Variants in ADGRV1 observed in about 807,000 individuals in gnomAD.
ADGRV1 encodes the protein G-protein coupled receptor 98.
A neutral mutation model predicts 596.2 loss-of-function variants in ADGRV1; 359 were observed. The ratio of observed to expected loss-of-function variants is 0.60; its 90% CI spans 0.55 to 0.66. ADGRV1 has a LOEUF of 0.66. ADGRV1 is among the 30% of genes least tolerant of loss of function. The probability of loss-of-function intolerance (pLI) is 0.00; values close to 1 mark genes in which losing one functional copy is unlikely to be tolerated. For missense variants in ADGRV1, 7,274 were observed against 7,575.6 expected, an observed-to-expected ratio of 0.96 and a Z score of 1.48; for synonymous variants, 2,681 against 2,679.2, an observed-to-expected ratio of 1.00 and a Z score of -0.02.
At chr5:91,139,847 C>G (rs1415942146) in intron 87 of ADGRV1, among the ~76,000 whole-genome samples, 1 of 152,162 alleles carries the variant, frequency 6.6e-6, no homozygotes, top group Non-Finnish European at 1.5e-5. Flanking sequence ...TCTCTTTCTC[C>G]TTGATGTCTG....
At chr5:90,723,906 G>A (rs1751412148) in intron 45 of ADGRV1, among the ~76,000 whole-genome samples, 1 of 151,458 alleles carries the variant, frequency 6.6e-6, no homozygotes, top group South Asian at 2.1e-4. Context: ...ATTAGTTAGG[G>A]GATTTTTATT....
At chr5:90,635,374 A>C in intron 10 of ADGRV1, 84 bp downstream of exon 10, 1 of 1,240,146 alleles carries the variant, frequency 8.1e-7, no homozygotes, top group Admixed American at 2.3e-5. Flanking sequence ...ATCAGCATAT[A>C]GGGTTAACAT....
At position 90,581,071 on chromosome 5, in the gene ADGRV1, C is replaced by T. The variant is rs572188322; in HGVS notation, c.22+22154C>T. On this transcript the variant is annotated intron_variant, in intron 1 of 89. Coordinates refer to ENST00000405460, the MANE Select transcript of ADGRV1 (RefSeq NM_032119.4). ...GCTATTGAAGCTTGTGCATGCGTCA[C>T]GAAGTTCTTGTGCCATGTTTTTCAG... Among the ~76,000 whole-genome samples, 18 of 152,234 alleles carry T rather than the reference C, an allele frequency of 1.2e-4. No individual in the cohort carries two copies. In the East Asian group the frequency reaches 2.5e-3, roughly 21 times the overall value.
At chr5:91,086,201 T>C (rs1231373828) in intron 86 of ADGRV1, among the ~76,000 whole-genome samples, 1 of 152,248 alleles carries the variant, frequency 6.6e-6, no homozygotes, top group Non-Finnish European at 1.5e-5. Context: ...GCATTTTTTA[T>C]ATCATAGTGA....
Position 90,729,704 on chromosome 5 carries a change from C to T in ADGRV1, c.10489C>T (p.Gln3497Ter). 1 of 1,608,884 alleles carries T rather than the reference C, an allele frequency of 6.2e-7. No homozygotes were observed. Among genetic ancestry groups the T allele is most frequent in the East Asian group, 2.2e-5 (1 of 44,794 alleles). The change falls in exon 50 of 90, where the codon CAG becomes TAG. Residue 3497 changes from glutamine to a stop codon, truncating the protein, a stop_gained. Coordinates refer to ENST00000405460, the MANE Select transcript of ADGRV1 (RefSeq NM_032119.4). LOFTEE classifies it high-confidence loss of function. ...EMGQSSFRYF[Q>*]SVDFAAVNRI... Reference sequence around the variant, plus strand: ...GGGACAGTCTTCCTTCAGGTATTTTCAGTCTGTAGATTTTGCTGCTGTTAA... The same window carrying T: ...GGGACAGTCTTCCTTCAGGTATTTTTAGTCTGTAGATTTTGCTGCTGTTAA...
chr5:91,113,586 G>C (rs1211262753), intron 87 of ADGRV1, among the ~76,000 whole-genome samples: 1 of 152,096 alleles, frequency 6.6e-6, no homozygotes, highest in East Asian at 1.9e-4. Context: ...AGTATATTCT[G>C]TATATATTCC....
chr5:90,885,229 T>G (rs1156967657), intron 83 of ADGRV1, among the ~76,000 whole-genome samples: 1 of 152,160 alleles, frequency 6.6e-6, no homozygotes, highest in Non-Finnish European at 1.5e-5. Context: ...GTTCAAGATG[T>G]TTTTCTGCTA....
rs1767497523 is a variant in ADGRV1, at chr5:90,644,806, G to C, written c.2835G>C (p.Gly945=). Residue 945 remains glycine, a synonymous_variant, in exon 15 of 90, where the codon GGG becomes GGC. Transcript: ENST00000405460. The stretch of plus-strand genomic sequence containing the variant: ...CACAAGATGTATTTCCTGTACAAGG[G>C]ACTGTTGTCTTTGGAGATCAGGAAT... ...DFTQDVFPVQ[G]TVVFGDQEFS... 1 of 1,611,488 alleles carries C rather than the reference G, an allele frequency of 6.2e-7. No homozygotes were observed.
Position 91,035,861 on chromosome 5 carries a change from T to TATATATATATATATATAATATATATTATA in ADGRV1, c.18153-36586_18153-36585insATATATATATATATATAATATATATTATA. Among the ~76,000 whole-genome samples the TATATATATATATATATAATATATATTATA allele has an allele frequency of 1.5e-4, 14 of 96,402 alleles. No individual in the cohort carries two copies. In the East Asian group the frequency reaches 3.5e-3, roughly 24 times the overall value. 63.2% of individuals were successfully genotyped at this position (96,402 alleles called of 152,430 possible). On this transcript the variant is annotated intron_variant, in intron 85 of 89. Transcript: ENST00000405460. Reference sequence around the variant, plus strand: ...ATGAGTGTGTATATATATATATATATTATATATATATATATATATATCTTA... The same window carrying TATATATATATATATATAATATATATTATA: ...ATGAGTGTGTATATATATATATATATATATATATATATATATAATATATATTATATATATATATATATATATATATCTTA...
intron 34 of ADGRV1, among the ~76,000 whole-genome samples, chr5:90,703,037 G>T (rs1296635494): frequency 6.6e-6 from 1 of 151,752 alleles, no homozygotes; most frequent in Non-Finnish European, 1.5e-5. Flanking sequence ...TATTATATGG[G>T]GAAAAAAGCC....
At chr5:90,825,887 C>T (rs922538236) in intron 76 of ADGRV1, 4 of 152,200 alleles carry the variant, frequency 2.6e-5, no homozygotes, top group Admixed American at 6.5e-5. Context: ...CCTCTTCTTT[C>T]TCTTTCACAT....
chr5:91,059,290 G>A (rs1439306853), intron 85 of ADGRV1, among the ~76,000 whole-genome samples: 2 of 152,108 alleles, frequency 1.3e-5, no homozygotes, highest in African/African-American at 2.4e-5. Flanking sequence ...CTGAGTATGT[G>A]GAGAAGCTAC....
At chr5:90,636,164 C>G (rs1260306246) in intron 10 of ADGRV1, among the ~76,000 whole-genome samples, 2 of 151,996 alleles carry the variant, frequency 1.3e-5, no homozygotes, top group South Asian at 2.1e-4. Context: ...CCCTTGCCCC[C>G]ACCCCGACAT....
chr5:90,747,346 C>G (rs913369967), intron 52 of ADGRV1, among the ~76,000 whole-genome samples: 1 of 152,050 alleles, frequency 6.6e-6, no homozygotes, highest in Non-Finnish European at 1.5e-5. Context: ...TCAGGGATCC[C>G]CATGACCACC....
intron 8 of ADGRV1, 129 bp downstream of exon 8, chr5:90,628,961 T>C: frequency 1.2e-6 from 1 of 869,222 alleles, no homozygotes; most frequent in Non-Finnish European, 1.7e-6. Context: ...TTGCAAATGA[T>C]AGTTTTCTTA....
intron 86 of ADGRV1, among the ~76,000 whole-genome samples, chr5:91,077,599 C>A (rs1788965901): frequency 6.6e-6 from 1 of 152,204 alleles, no homozygotes; most frequent in Non-Finnish European, 1.5e-5. Flanking sequence ...CCCTTCCCTC[C>A]CTGAGCATGG....
intron 85 of ADGRV1, among the ~76,000 whole-genome samples, chr5:91,024,246 G>T (rs1783855647): frequency 6.6e-6 from 1 of 152,298 alleles, no homozygotes; most frequent in African/African-American, 2.4e-5. Context: ...AGGCAGAGGA[G>T]AATGACAATG....
chr5:91,159,056 G>A (rs1333332086), intron 89 of ADGRV1, among the ~76,000 whole-genome samples: 5 of 152,180 alleles, frequency 3.3e-5, no homozygotes, highest in African/African-American at 1.2e-4. Flanking sequence ...CATTAATTCA[G>A]TAGGTAGAAT....
chr5:90,755,053 G>A lies in ADGRV1; in HGVS notation c.11448G>A (p.Leu3816=). 1 of 1,612,950 alleles carries A rather than the reference G, an allele frequency of 6.2e-7. No individual in the cohort carries two copies. The highest frequency in any genetic ancestry group is 8.5e-7 in the Non-Finnish European group (1 of 1,179,034). Residue 3816 remains leucine (L), a synonymous_variant, in exon 55 of 90, where the codon TTG becomes TTA. Transcript: ENST00000405460. ...TACTTGGGGATATTGCCATTCACTT[G>A]AGAGCTCAACCCAATTTCTTACTGC... ...KGLLGDIAIH[L]RAQPNFLLHV...
Sources: gnomAD v4.1 joint callset for allele counts (sites outside exome capture counted in the v4.1 genomes callset) on GRCh38, gnomAD v4.1.1 for gene constraint, MANE v1.5 for transcripts, NCBI Gene and HGNC (gene_info 2026-07-23, HGNC 2026-07-21) for gene names.